Variants in PLCH1 observed in about 807,000 individuals in gnomAD.
PLCH1 encodes the protein phospholipase C eta 1, also known as 1-phosphatidylinositol 4,5-bisphosphate phosphodiesterase eta-1.
Under a neutral mutation model 126.7 loss-of-function variants are expected in PLCH1, and 60 were observed. That is an observed-to-expected ratio of 0.47 (90% CI 0.38 to 0.59). PLCH1 has a LOEUF of 0.59. Ranked by LOEUF, PLCH1 falls within the 20% of genes least tolerant of loss-of-function variation. The pLI is 0.00. For synonymous variants in PLCH1, 719 were observed against 734.9 expected (o/e 0.98, Z 0.35); for missense variants, 1,723 against 2,040.0 (o/e 0.84, Z 2.99).
intron 2 of PLCH1, among the ~76,000 whole-genome samples, chr3:155,630,011 T>A (rs1414827149): frequency 1.3e-5 from 2 of 152,228 alleles, no homozygotes; most frequent in Admixed American, 6.5e-5. Flanking sequence ...CTATTAACAG[T>A]CATTTTCTTC....
intron 2 of PLCH1, among the ~76,000 whole-genome samples, chr3:155,651,653 T>C (rs991075040): frequency 6.6e-6 from 1 of 152,214 alleles, no homozygotes; most frequent in African/African-American, 2.4e-5. Context: ...GCAAATGAAC[T>C]GCAATGTAAA....
At chr3:155,729,976 C>T (rs1748640827) in intron 1 of PLCH1, among the ~76,000 whole-genome samples, 1 of 151,280 alleles carries the variant, frequency 6.6e-6, no homozygotes. Context: ...AATATAAGTC[C>T]TGAGAATGGC....
chr3:155,649,401 A>G (rs1158232739), intron 2 of PLCH1, among the ~76,000 whole-genome samples: 2 of 152,130 alleles, frequency 1.3e-5, no homozygotes, highest in Non-Finnish European at 1.5e-5. Context: ...TTGTTCCCTT[A>G]GAAGGAGGTC....
rs1378657544 is a variant in PLCH1 at position 155,523,883 on chromosome 3, T to C, written c.1470+14A>G. 1 of 1,451,512 alleles carries C rather than the reference T, an allele frequency of 6.9e-7. No homozygotes were observed. Among genetic ancestry groups the C allele is most frequent in the Non-Finnish European group, 9.6e-7 (1 of 1,041,882 alleles). 89.9% of individuals were successfully genotyped at this position (1,451,512 alleles called of 1,614,324 possible). On this transcript the variant is annotated intron_variant, in intron 11 of 22. Coordinates refer to ENST00000460012, the MANE Select transcript of PLCH1 (RefSeq NM_014996.4). ...ATATCAAGGATAAAAAATATGGTCA[T>C]GCCTGCAACTTACATAATGGAGCTT...
intron 10 of PLCH1, among the ~76,000 whole-genome samples, chr3:155,542,094 C>T (rs1435183708): frequency 2.6e-5 from 4 of 152,196 alleles, no homozygotes; most frequent in Admixed American, 2.0e-4. Flanking sequence ...TTGCCTCAAT[C>T]GGGAAGCGCA....
chr3:155,454,272 T>C (rs972390093), intron 21 of PLCH1, among the ~76,000 whole-genome samples: 2 of 152,132 alleles, frequency 1.3e-5, no homozygotes, highest in East Asian at 3.9e-4. Context: ...CAAATCTGTC[T>C]CCCTGATTTG....
intron 21 of PLCH1, among the ~76,000 whole-genome samples, chr3:155,466,616 G>A (rs1712940709): frequency 6.6e-6 from 1 of 152,248 alleles, no homozygotes; most frequent in African/African-American, 2.4e-5. Context: ...CACCATCCAG[G>A]AAAACATTAC....
intron 5 of PLCH1, among the ~76,000 whole-genome samples, chr3:155,585,003 G>A (rs1480475878): frequency 2.0e-5 from 3 of 152,288 alleles, no homozygotes; most frequent in Non-Finnish European, 4.4e-5. Context: ...CTTCCCATAT[G>A]TTTAAAGATA....
At chr3:155,578,601 T>C (rs1730275857) in intron 6 of PLCH1, among the ~76,000 whole-genome samples, 1 of 152,154 alleles carries the variant, frequency 6.6e-6, no homozygotes. Flanking sequence ...CTCAGGAAAT[T>C]CTAAGAGTTT....
chr3:155,608,700 A>T (rs1734679852), intron 2 of PLCH1, among the ~76,000 whole-genome samples: 1 of 151,892 alleles, frequency 6.6e-6, no homozygotes, highest in African/African-American at 2.4e-5. Context: ...AGCAACTCCC[A>T]CCCAAGGAGA....
chr3:155,674,332 C>T (rs929592809), intron 2 of PLCH1, among the ~76,000 whole-genome samples: 3 of 152,096 alleles, frequency 2.0e-5, no homozygotes, highest in South Asian at 2.1e-4. Flanking sequence ...TTCCTGCCTC[C>T]GAATAAACAT....
intron 2 of PLCH1, among the ~76,000 whole-genome samples, chr3:155,701,541 GT>G (rs1255299411): frequency 6.6e-6 from 1 of 152,270 alleles, no homozygotes; most frequent in Non-Finnish European, 1.5e-5. Context: ...TATGGAAGAA[GT>G]TTTGTTTCTT....
At chr3:155,576,202 T>C (rs1368206225) in intron 6 of PLCH1, among the ~76,000 whole-genome samples, 1 of 151,758 alleles carries the variant, frequency 6.6e-6, no homozygotes, top group Non-Finnish European at 1.5e-5. Flanking sequence ...GTTTGGCAAA[T>C]ATGAGGTTGG....
At chr3:155,719,482 T>C (rs1349475891) in intron 1 of PLCH1, among the ~76,000 whole-genome samples, 1 of 152,094 alleles carries the variant, frequency 6.6e-6, no homozygotes, top group Non-Finnish European at 1.5e-5. Context: ...AACCTGCACG[T>C]TGTGCACATG....
chr3:155,547,193 G>GA (rs1385124964), intron 10 of PLCH1, among the ~76,000 whole-genome samples: 1 of 146,938 alleles, frequency 6.8e-6, no homozygotes, highest in Non-Finnish European at 1.5e-5. Flanking sequence ...AAATTTACAA[G>GA]AAAAAAACAA....
chr3:155,460,766 T>C (rs1712681380), intron 21 of PLCH1, among the ~76,000 whole-genome samples: 1 of 149,708 alleles, frequency 6.7e-6, no homozygotes, highest in Non-Finnish European at 1.5e-5. Context: ...TGATAGATGA[T>C]AGATAGATAG....
chr3:155,530,554 T>C (rs1328476415), intron 10 of PLCH1, among the ~76,000 whole-genome samples: 1 of 149,118 alleles, frequency 6.7e-6, no homozygotes, highest in African/African-American at 2.5e-5. Context: ...CCTGACCTCA[T>C]GATCTGCCCA....
chr3:155,604,798 A>T (rs747745102), intron 2 of PLCH1, among the ~76,000 whole-genome samples: 5 of 152,188 alleles, frequency 3.3e-5, no homozygotes, highest in African/African-American at 9.7e-5. Context: ...GAAAGGTAAG[A>T]ATTTCCTGCT....
At chr3:155,459,134 C>T (rs1224884242) in intron 21 of PLCH1, among the ~76,000 whole-genome samples, 1 of 152,096 alleles carries the variant, frequency 6.6e-6, no homozygotes, top group African/African-American at 2.4e-5. Flanking sequence ...ATTAAGTTGT[C>T]GCTGCAATTT....
Sources: gnomAD v4.1 joint callset for allele counts (sites outside exome capture counted in the v4.1 genomes callset) on GRCh38, gnomAD v4.1.1 for gene constraint, MANE v1.5 for transcripts, NCBI Gene and HGNC (gene_info 2026-07-23, HGNC 2026-07-21) for gene names.